The following ESR2 variants were observed in gnomAD, a reference collection of about 807,000 sequenced individuals.
The protein encoded by ESR2 is estrogen receptor beta.
Under a neutral mutation model 49.6 loss-of-function variants are expected in ESR2, and 36 were observed. That is an observed-to-expected ratio of 0.73 (90% confidence interval 0.56 to 0.96). ESR2 has a LOEUF of 0.96. Ranked by LOEUF, ESR2 falls within the 40% of genes least tolerant of loss-of-function variation. The pLI is 0.00. For missense variants in ESR2, 714 were observed against 693.0 expected, an observed-to-expected ratio of 1.03 and a Z score of -0.34; for synonymous variants, 320 against 266.1, an observed-to-expected ratio of 1.20 and a Z score of -1.97.
intron 1 of ESR2, among the ~76,000 whole-genome samples, chr14:64,311,764 G>A (rs1359500068): frequency 6.6e-6 from 1 of 151,732 alleles, no homozygotes; most frequent in African/African-American, 2.4e-5. Context: ...AGTGAGCTAT[G>A]ATCACACTAC....
chr14:64,256,305 T>C (rs1435650947), intron 6 of ESR2, among the ~76,000 whole-genome samples: 2 of 152,244 alleles, frequency 1.3e-5, no homozygotes, highest in African/African-American at 2.4e-5. Flanking sequence ...TTCTGTGTCA[T>C]CTTTAAAAGA....
rs972529377 is a variant in ESR2 at position 64,228,694 on chromosome 14, G to A, written c.*4443C>T. Among the ~76,000 whole-genome samples, 3 of 152,172 alleles carry A rather than the reference G, an allele frequency of 2.0e-5. No homozygotes were observed. Among genetic ancestry groups the A allele is most frequent in the African/African-American group, 4.8e-5 (2 of 41,448 alleles). ...TGTACAGTTAACAGGAACTGTTCGC[G>A]GCTGGTATCACCACTCCTTATGTGC... On this transcript the variant is annotated 3_prime_UTR_variant, in exon 9 of 9. Transcript: ENST00000341099.
rs748510590 is a variant in ESR2 at position 64,280,030 on chromosome 14, T to C, written c.486A>G (p.Gly162=). The change falls in exon 3 of 9, where the codon GGA becomes GGG. Residue 162 remains glycine (G), a synonymous_variant. Transcript: ENST00000341099. Reference sequence around the variant, plus strand: ...CCTTACATCCTTCACACGACCAGACTCCATAGTGATATCCCGATGCGTAAT... The same window carrying C: ...CCTTACATCCTTCACACGACCAGACCCCATAGTGATATCCCGATGCGTAAT... ...CSDYASGYHY[G]VWSCEGCKAF... The C allele has an allele frequency of 3.7e-6, 6 of 1,614,030 alleles. No homozygotes were observed. The highest frequency in any genetic ancestry group is 4.2e-6 in the Non-Finnish European group (5 of 1,180,004).
intron 7 of ESR2, among the ~76,000 whole-genome samples, chr14:64,244,356 C>A (rs2075803962): frequency 6.6e-6 from 1 of 150,688 alleles, no homozygotes. Flanking sequence ...GCCAAGATGG[C>A]ACCACTGCAC....
chr14:64,244,396 T>C (rs1044173754), intron 7 of ESR2, among the ~76,000 whole-genome samples: 5 of 129,980 alleles, frequency 3.8e-5, no homozygotes, highest in African/African-American at 1.4e-4. Context: ...CAAGACTTCA[T>C]CTCAAAAAAA....
intron 2 of ESR2, among the ~76,000 whole-genome samples, chr14:64,281,427 T>C (rs1027882932): frequency 6.6e-6 from 1 of 152,070 alleles, no homozygotes; most frequent in Admixed American, 6.6e-5. Flanking sequence ...ACAAAATATG[T>C]CTTCCTTTAA....
intron 1 of ESR2, among the ~76,000 whole-genome samples, chr14:64,290,393 C>CTTAT (rs35006597): frequency 0.012 from 1,735 of 150,780 alleles, 18 homozygotes; most frequent in African/African-American, 0.032. Context: ...TAAATGTATT[C>CTTAT]TTATTTATTT....
At chr14:64,260,303 T>A in intron 5 of ESR2, 146 bp downstream of exon 5, 1 of 838,352 alleles carries the variant, frequency 1.2e-6, no homozygotes, top group East Asian at 2.4e-5. Flanking sequence ...AGGAACATAT[T>A]GCACTTAAAA....
chr14:64,248,172 C>T (rs1427653620), intron 7 of ESR2, among the ~76,000 whole-genome samples: 2 of 151,938 alleles, frequency 1.3e-5, no homozygotes, highest in East Asian at 3.8e-4. Flanking sequence ...CCAGCCTGGG[C>T]AACAGAGTGA....
intron 1 of ESR2, among the ~76,000 whole-genome samples, chr14:64,332,946 A>G (rs994452689): frequency 1.6e-4 from 22 of 139,890 alleles, no homozygotes; most frequent in African/African-American, 5.9e-4. Flanking sequence ...GCGCGATCTC[A>G]GCTCACTGCA....
At chr14:64,285,136 A>G (rs1018285347) in intron 1 of ESR2, among the ~76,000 whole-genome samples, 9 of 152,126 alleles carry the variant, frequency 5.9e-5, no homozygotes, top group African/African-American at 1.9e-4. Context: ...GGCGTGAGCC[A>G]CTGTGCCCGG....
intron 4 of ESR2, among the ~76,000 whole-genome samples, chr14:64,261,240 T>TTTTC (rs1555577216): frequency 7.4e-5 from 4 of 54,328 alleles, no homozygotes; most frequent in Non-Finnish European, 1.0e-4. Context: ...TTCTTTTTTC[T>TTTTC]TTTTTTTTTT....
At chr14:64,336,701 C>G (rs548625285) in intron 1 of ESR2, 4 of 152,268 alleles carry the variant, frequency 2.6e-5, no homozygotes, top group African/African-American at 9.6e-5. Context: ...AATTTAAATG[C>G]CATATCTCCA....
chr14:64,338,384 G>T (rs533512379), upstream of ESR2: 1 of 155,044 alleles, frequency 6.4e-6, no homozygotes, highest in East Asian at 1.9e-4. Flanking sequence ...AGGCACTCCA[G>T]AGCAGAACGC....
At chr14:64,313,475 A>C (rs1238186946) in intron 1 of ESR2, among the ~76,000 whole-genome samples, 1 of 146,754 alleles carries the variant, frequency 6.8e-6, no homozygotes, top group Non-Finnish European at 1.5e-5. Flanking sequence ...CGGAGGTTCC[A>C]GTGAGCCGAG....
rs2076129125 is a variant in ESR2 at position 64,257,533 on chromosome 14, T to G, written c.953-169A>C. ...CATTAAAGGAAGAAAACTTTGAAGT[T>G]AAGCTGCGCAACTTAGTTTCCAGTC... On this transcript the variant is annotated intron_variant, in intron 5 of 8. Transcript: ENST00000341099. 3 of 807,080 alleles carry G rather than the reference T, an allele frequency of 3.7e-6. No homozygotes were observed. The Admixed American group carries it at 8.9e-5, about 24-fold the overall frequency. The allele number at this position is 807,080 out of a possible 1,614,324, so 50.0% of individuals were successfully genotyped here. A position where few individuals can be genotyped will look rare whatever the true frequency, so the allele number is the denominator to read the frequency against.
intron 3 of ESR2, among the ~76,000 whole-genome samples, chr14:64,277,463 A>G (rs888532052): frequency 6.6e-6 from 1 of 151,960 alleles, no homozygotes; most frequent in African/African-American, 2.4e-5. Flanking sequence ...GTCTCTACTA[A>G]AAATACAAAA....
At chr14:64,293,635 T>C (rs1251655777) in intron 1 of ESR2, among the ~76,000 whole-genome samples, 1 of 152,218 alleles carries the variant, frequency 6.6e-6, no homozygotes, top group Non-Finnish European at 1.5e-5. Context: ...TGCCAATTAA[T>C]ACATTTTAAA....
chr14:64,257,145 C>CAGCACCCAGGACTTTGTTCCCACTCACT, intron 6 of ESR2, 81 bp downstream of exon 6: 1 of 1,319,862 alleles, frequency 7.6e-7, no homozygotes, highest in Non-Finnish European at 1.1e-6. Context: ...ATTTTAATTG[C>CAGCACCCAGGACTTTGTTCCCACTCACT]AGCACCCAGG....
Sources: gnomAD v4.1 joint callset for allele counts (sites outside exome capture counted in the v4.1 genomes callset) on GRCh38, gnomAD v4.1.1 for gene constraint, MANE v1.5 for transcripts, NCBI Gene and HGNC (gene_info 2026-07-23, HGNC 2026-07-21) for gene names.